Variants in PPM1L observed in about 807,000 individuals in gnomAD.
PPM1L encodes the protein protein phosphatase 1L.
PPM1L carries 13 observed loss-of-function variants against 31.4 expected under a neutral mutation model. The observed-to-expected ratio is 0.41, with a 90% CI of 0.27 to 0.66. The LOEUF is 0.66. Ranked by LOEUF, PPM1L falls within the 30% of genes least tolerant of loss-of-function variation. PPM1L has a pLI of 0.29. For missense variants in PPM1L, 326 were observed against 453.7 expected, an observed-to-expected ratio of 0.72 and a Z score of 2.56; for synonymous variants, 184 against 175.4, an observed-to-expected ratio of 1.05 and a Z score of -0.39.
chr3:160,890,573 A>G (rs1444127641), intron 1 of PPM1L, among the ~76,000 whole-genome samples: 4 of 152,236 alleles, frequency 2.6e-5, no homozygotes, highest in East Asian at 3.8e-4. Context: ...CATATATTCA[A>G]TGCTATTCCT....
At chr3:160,935,852 G>GA (rs1246195029) in intron 1 of PPM1L, among the ~76,000 whole-genome samples, 2 of 152,178 alleles carry the variant, frequency 1.3e-5, no homozygotes, top group Non-Finnish European at 2.9e-5. Flanking sequence ...AGAAAAATCA[G>GA]AAAAACATCT....
intron 1 of PPM1L, among the ~76,000 whole-genome samples, chr3:160,776,923 G>T (rs1576632444): frequency 6.6e-6 from 1 of 151,868 alleles, no homozygotes. Flanking sequence ...TAGAATGGGT[G>T]CCCTATAAAG....
At chr3:161,013,906 C>T (rs191241954) in intron 2 of PPM1L, among the ~76,000 whole-genome samples, 13 of 152,204 alleles carry the variant, frequency 8.5e-5, no homozygotes, top group African/African-American at 2.6e-4. Flanking sequence ...TATTTTGAGC[C>T]TATGTTTGTC....
intron 1 of PPM1L, among the ~76,000 whole-genome samples, chr3:160,944,808 TA>T (rs1204541668): frequency 1.4e-3 from 18 of 13,278 alleles, no homozygotes; most frequent in African/African-American, 3.4e-3. Context: ...ATAACATATA[TA>T]ACATATATAT....
chr3:160,794,838 A>G (rs1236757516), intron 1 of PPM1L, among the ~76,000 whole-genome samples: 2 of 152,194 alleles, frequency 1.3e-5, no homozygotes, highest in African/African-American at 4.8e-5. Context: ...ATTTGTGCTT[A>G]GGCCTCATTC....
chr3:160,781,452 G>A (rs1312236590), intron 1 of PPM1L, among the ~76,000 whole-genome samples: 1 of 152,154 alleles, frequency 6.6e-6, no homozygotes, highest in Non-Finnish European at 1.5e-5. Flanking sequence ...TACTATAGAA[G>A]TCCATGGAAA....
chr3:160,995,169 T>C (rs1717270088), intron 2 of PPM1L, among the ~76,000 whole-genome samples: 1 of 152,166 alleles, frequency 6.6e-6, no homozygotes, highest in South Asian at 2.1e-4. Context: ...AACAAAAGCC[T>C]CTTTGAAGTG....
chr3:160,762,495 T>C (rs1714994442), intron 1 of PPM1L, among the ~76,000 whole-genome samples: 2 of 152,216 alleles, frequency 1.3e-5, no homozygotes, highest in South Asian at 2.1e-4. Context: ...CTATGTGATG[T>C]CTAAAGATGA....
At chr3:161,039,432 T>C (rs999897383) in intron 2 of PPM1L, among the ~76,000 whole-genome samples, 7 of 152,190 alleles carry the variant, frequency 4.6e-5, no homozygotes, top group African/African-American at 1.7e-4. Flanking sequence ...AGGGGGCGTG[T>C]ATTTTTTCAT....
intron 1 of PPM1L, among the ~76,000 whole-genome samples, chr3:160,816,561 T>G (rs1713000480): frequency 6.6e-6 from 1 of 151,814 alleles, no homozygotes; most frequent in Non-Finnish European, 1.5e-5. Flanking sequence ...TTTCCCAGGT[T>G]CCTTAATTTT....
chr3:160,781,762 G>A (rs937223675), intron 1 of PPM1L, among the ~76,000 whole-genome samples: 8 of 152,202 alleles, frequency 5.3e-5, no homozygotes, highest in Non-Finnish European at 8.8e-5. Flanking sequence ...CTCAGAGGAA[G>A]CCTAACGATA....
At chr3:160,963,142 C>T (rs898722717) in intron 2 of PPM1L, among the ~76,000 whole-genome samples, 9 of 151,952 alleles carry the variant, frequency 5.9e-5, no homozygotes, top group African/African-American at 2.2e-4. Context: ...TTCATAGCAT[C>T]TTATAGATCA....
At chr3:160,841,592 G>A (rs1713880294) in intron 1 of PPM1L, among the ~76,000 whole-genome samples, 1 of 152,126 alleles carries the variant, frequency 6.6e-6, no homozygotes, top group Non-Finnish European at 1.5e-5. Context: ...CCTTTGAATG[G>A]ACTTTCTTAT....
At chr3:160,873,343 G>A (rs1439921640) in intron 1 of PPM1L, among the ~76,000 whole-genome samples, 1 of 152,136 alleles carries the variant, frequency 6.6e-6, no homozygotes, top group Non-Finnish European at 1.5e-5. Flanking sequence ...CTAATTAGAT[G>A]CTTATGTGCT....
At chr3:161,063,452 TATA>T (rs1475879023) in intron 2 of PPM1L, among the ~76,000 whole-genome samples, 1 of 151,502 alleles carries the variant, frequency 6.6e-6, no homozygotes, top group East Asian at 1.9e-4. Context: ...CAAGCAGAAC[TATA>T]ATAACTGATT....
chr3:161,043,041 T>G (rs1576802068), intron 2 of PPM1L, among the ~76,000 whole-genome samples: 1 of 141,064 alleles, frequency 7.1e-6, no homozygotes, highest in Non-Finnish European at 1.5e-5. Context: ...AAAATTGTTA[T>G]TTTTTTTTTT....
At chr3:160,938,778 T>C (rs1053937586) in intron 1 of PPM1L, among the ~76,000 whole-genome samples, 1 of 152,228 alleles carries the variant, frequency 6.6e-6, no homozygotes, top group African/African-American at 2.4e-5. Context: ...CAGAACTGGC[T>C]GATTGCTGTG....
rs373087125 is a variant in PPM1L at position 160,961,291 on chromosome 3, G to A, written c.400-445G>A. Among the ~76,000 whole-genome samples the A allele has an allele frequency of 1.1e-4, 17 of 152,114 alleles. 2 individuals are homozygous for A. The highest frequency in any genetic ancestry group is 7.2e-4 in the Admixed American group (11 of 15,268). On this transcript the variant is annotated intron_variant, in intron 1 of 3. Coordinates refer to ENST00000498165, the MANE Select transcript of PPM1L (RefSeq NM_139245.4). ...AAATTCACTTTACAAGAGTTCTTAT[G>A]TAAACATTAATGAGTAGAGACTAAT...
intron 2 of PPM1L, among the ~76,000 whole-genome samples, chr3:161,032,866 ATTTTTTTTTTT>A (rs61145165): frequency 8.3e-4 from 89 of 107,358 alleles, no homozygotes; most frequent in African/African-American, 2.9e-3. Context: ...CTAATTTTGT[ATTTTTTTTTTT>A]TTTTTTTTTT....
Sources: allele counts gnomAD v4.1 joint callset (sites outside exome capture counted in the v4.1 genomes callset), GRCh38; gene constraint gnomAD v4.1.1; transcripts MANE v1.5; gene names NCBI Gene and HGNC (gene_info 2026-07-23, HGNC 2026-07-21).